NRXN3: variants seen among roughly 807,000 people sequenced by gnomAD.
NRXN3 encodes the protein neurexin 3, also known as neurexin III.
In NRXN3, 32 loss-of-function variants were observed where a neutral mutation model predicts 137.6. The observed-to-expected ratio is 0.23, with a 90% CI of 0.18 to 0.31. The LOEUF (loss-of-function observed/expected upper bound fraction) is 0.31, where lower values mean the gene tolerates loss of function less well. Among genes scored for constraint, NRXN3 ranks in the 10% least tolerant of loss-of-function variants. The pLI is 1.00. For synonymous variants in NRXN3, 798 were observed against 784.5 expected (o/e 1.02, Z -0.29); for missense variants, 1,574 against 2,062.5 (o/e 0.76, Z 4.59).
At chr14:79,735,160 C>T (rs544832558) in intron 19 of NRXN3, among the ~76,000 whole-genome samples, 1 of 152,326 alleles carries the variant, frequency 6.6e-6, no homozygotes, top group South Asian at 2.1e-4. Context: ...CTCTTCCACC[C>T]TGTTATACGG....
At chr14:78,353,633 A>C (rs1325733644) in intron 4 of NRXN3, among the ~76,000 whole-genome samples, 1 of 152,202 alleles carries the variant, frequency 6.6e-6, no homozygotes, top group Non-Finnish European at 1.5e-5. Context: ...TGAAGAAAAA[A>C]AAATCTGCAA....
At chr14:78,785,157 TAAAC>T (rs763475570) in intron 8 of NRXN3, among the ~76,000 whole-genome samples, 5 of 152,114 alleles carry the variant, frequency 3.3e-5, no homozygotes, top group Non-Finnish European at 7.4e-5. Flanking sequence ...GTTAGAGAAA[TAAAC>T]AAGAAGACAT....
chr14:78,729,701 C>G (rs1274664571), intron 8 of NRXN3, among the ~76,000 whole-genome samples: 2 of 152,128 alleles, frequency 1.3e-5, no homozygotes, highest in African/African-American at 2.4e-5. Context: ...AACACACACA[C>G]ATGCACATGC....
At chr14:78,487,742 CATAAATAAATAAATAAATAAATAA>C (rs10601165) in intron 4 of NRXN3, among the ~76,000 whole-genome samples, 29 of 141,318 alleles carry the variant, frequency 2.1e-4, no homozygotes, top group African/African-American at 5.0e-4. Flanking sequence ...AACTCCATCT[CATAAATAAATAAATAAATAAATAA>C]ATAAATAAAT....
At chr14:78,780,650 G>A (rs1372842124) in intron 8 of NRXN3, among the ~76,000 whole-genome samples, 1 of 152,058 alleles carries the variant, frequency 6.6e-6, no homozygotes, top group Non-Finnish European at 1.5e-5. Flanking sequence ...ATATGAATAA[G>A]CAAATGACAG....
At chr14:79,817,985 C>T (rs1010566567) in intron 20 of NRXN3, among the ~76,000 whole-genome samples, 1 of 151,278 alleles carries the variant, frequency 6.6e-6, no homozygotes, top group Non-Finnish European at 1.5e-5. Flanking sequence ...GAGAGAAATA[C>T]CAACACTTAT....
intron 4 of NRXN3, among the ~76,000 whole-genome samples, chr14:78,319,839 A>G (rs1344213178): frequency 6.6e-6 from 1 of 152,224 alleles, no homozygotes; most frequent in African/African-American, 2.4e-5. Flanking sequence ...CCTGGGAAGA[A>G]TGAGATCTAA....
chr14:78,688,592 G>T (rs141834776), intron 6 of NRXN3, among the ~76,000 whole-genome samples: 23 of 152,242 alleles, frequency 1.5e-4, no homozygotes, highest in African/African-American at 5.5e-4. Context: ...GCAGTAAAGT[G>T]GGGTCAGTAG....
At chr14:79,086,576 G>A (rs2048153592) in intron 15 of NRXN3, among the ~76,000 whole-genome samples, 1 of 152,110 alleles carries the variant, frequency 6.6e-6, no homozygotes. Flanking sequence ...TGACCACTTT[G>A]CACTTGATCT....
chr14:79,048,164 A>G (rs1029464148), intron 15 of NRXN3, among the ~76,000 whole-genome samples: 9 of 152,218 alleles, frequency 5.9e-5, no homozygotes, highest in African/African-American at 2.2e-4. Context: ...GAAAGACACC[A>G]AAGAGTACAT....
At chr14:78,508,699 C>G (rs1024503371) in intron 4 of NRXN3, among the ~76,000 whole-genome samples, 1 of 152,030 alleles carries the variant, frequency 6.6e-6, no homozygotes, top group African/African-American at 2.4e-5. Flanking sequence ...TAACTAACTG[C>G]CCTAAATGTA....
At chr14:79,381,015 A>G (rs1190298230) in intron 15 of NRXN3, among the ~76,000 whole-genome samples, 1 of 152,100 alleles carries the variant, frequency 6.6e-6, no homozygotes, top group African/African-American at 2.4e-5. Flanking sequence ...AGAGACAGGC[A>G]GGTAAAGGGT....
intron 15 of NRXN3, among the ~76,000 whole-genome samples, chr14:79,196,005 T>A (rs2065073888): frequency 6.6e-6 from 1 of 152,180 alleles, no homozygotes; most frequent in Admixed American, 6.5e-5. Flanking sequence ...TATTCTCAGA[T>A]TTGCCTCACA....
chr14:79,116,234 G>T (rs1267782438), intron 15 of NRXN3, among the ~76,000 whole-genome samples: 1 of 152,148 alleles, frequency 6.6e-6, no homozygotes, highest in Non-Finnish European at 1.5e-5. Flanking sequence ...TGCCTCTCAG[G>T]AATGGTGGGG....
intron 10 of NRXN3, among the ~76,000 whole-genome samples, chr14:78,874,601 T>C (rs988680372): frequency 1.3e-5 from 2 of 152,198 alleles, no homozygotes; most frequent in Admixed American, 6.5e-5. Flanking sequence ...AAATCATGTA[T>C]AGTCTTGAGA....
chr14:79,737,692 A>G (rs532507060), intron 19 of NRXN3, among the ~76,000 whole-genome samples: 131 of 151,698 alleles, frequency 8.6e-4, no homozygotes, highest in African/African-American at 3.1e-3. Flanking sequence ...AATTAAATCC[A>G]TATGTCACAT....
intron 15 of NRXN3, among the ~76,000 whole-genome samples, chr14:79,166,603 A>G (rs1257913704): frequency 6.6e-6 from 1 of 151,548 alleles, no homozygotes; most frequent in Non-Finnish European, 1.5e-5. Context: ...CCAAATATTA[A>G]GAAGATTCTC....
chr14:78,337,416 G>A (rs1440537755), intron 4 of NRXN3, among the ~76,000 whole-genome samples: 1 of 152,154 alleles, frequency 6.6e-6, no homozygotes, highest in African/African-American at 2.4e-5. Flanking sequence ...AGTGAAGGTG[G>A]CAATGGGGGT....
chr14:78,756,545 CAAAAAAA>C (rs869164043), intron 8 of NRXN3, among the ~76,000 whole-genome samples: 1 of 70,854 alleles, frequency 1.4e-5, no homozygotes, highest in East Asian at 4.2e-4. Flanking sequence ...GATTCTGTCT[CAAAAAAA>C]AAAAAAAAAA....
Sources: gnomAD v4.1 joint callset for allele counts (sites outside exome capture counted in the v4.1 genomes callset) on GRCh38, gnomAD v4.1.1 for gene constraint, MANE v1.5 for transcripts, NCBI Gene and HGNC (gene_info 2026-07-23, HGNC 2026-07-21) for gene names.